The following UBE2K variants were observed in gnomAD, a reference collection of about 807,000 sequenced individuals.
The protein encoded by UBE2K is ubiquitin conjugating enzyme E2 K, also known as ubiquitin-conjugating enzyme E2 K.
A neutral mutation model predicts 30.0 loss-of-function variants in UBE2K; 6 were observed. The observed-to-expected ratio is 0.20, with a 90% CI of 0.11 to 0.39. The LOEUF (loss-of-function observed/expected upper bound fraction) is 0.39. Ranked by LOEUF, UBE2K falls within the 10% of genes least tolerant of loss-of-function variation. The pLI, the probability that UBE2K is intolerant of heterozygous loss-of-function variation, is 1.00. For synonymous variants in UBE2K, 86 were observed against 83.7 expected, an observed-to-expected ratio of 1.03 and a Z score of -0.15; for missense variants, 61 against 241.6, an observed-to-expected ratio of 0.25 and a Z score of 4.96.
intron 1 of UBE2K, among the ~76,000 whole-genome samples, chr4:39,734,105 AT>A (rs11417002): frequency 0.12 from 16,702 of 136,042 alleles, 864 homozygotes; most frequent in East Asian, 0.21. Context: ...GCCCTCTAGA[AT>A]TTTTTTTTTT....
chr4:39,723,362 CTTTT>C (rs529806724), intron 1 of UBE2K, among the ~76,000 whole-genome samples: 1 of 108,324 alleles, frequency 9.2e-6, no homozygotes, highest in Non-Finnish European at 1.7e-5. Flanking sequence ...GCTGTCTTCT[CTTTT>C]TTTTTTTTTT....
At chr4:39,771,431 G>C in intron 4 of UBE2K, 1 of 1,594,096 alleles carries the variant, frequency 6.3e-7, no homozygotes, top group Non-Finnish European at 8.6e-7. Context: ...TCACCCCAGA[G>C]GCCATTGTGG....
intron 1 of UBE2K, among the ~76,000 whole-genome samples, chr4:39,718,872 C>T (rs540936249): frequency 1.3e-5 from 2 of 152,270 alleles, no homozygotes; most frequent in Non-Finnish European, 2.9e-5. Context: ...CCGGTTCCCA[C>T]CCGTGCCTCT....
intron 1 of UBE2K, chr4:39,714,539 TA>T (rs1560343751): frequency 2.4e-4 from 12 of 50,052 alleles, no homozygotes; most frequent in African/African-American, 5.0e-4. Context: ...TATATATATA[TA>T]TATATATATA....
At chr4:39,768,537 T>G (rs1016600346) in intron 4 of UBE2K, among the ~76,000 whole-genome samples, 1 of 151,962 alleles carries the variant, frequency 6.6e-6, no homozygotes, top group African/African-American at 2.4e-5. Context: ...TTTTGACTCA[T>G]GTCTTAAAAG....
intron 3 of UBE2K, among the ~76,000 whole-genome samples, chr4:39,746,560 C>T (rs1390320100): frequency 1.3e-5 from 2 of 152,186 alleles, no homozygotes; most frequent in Non-Finnish European, 2.9e-5. Flanking sequence ...GCTTTTCTTT[C>T]CCTGAATAAA....
At chr4:39,723,576 G>A (rs1423580614) in intron 1 of UBE2K, among the ~76,000 whole-genome samples, 1 of 151,816 alleles carries the variant, frequency 6.6e-6, no homozygotes, top group African/African-American at 2.4e-5. Context: ...CACTGTGTTA[G>A]CCAGGGTGGT....
chr4:39,767,966 A>G (rs305124), intron 4 of UBE2K, among the ~76,000 whole-genome samples: 26,886 of 152,004 alleles, frequency 0.18, 4,098 homozygotes, highest in African/African-American at 0.42. Context: ...TAAGTGTTGT[A>G]TATTTCATTG....
intron 4 of UBE2K, among the ~76,000 whole-genome samples, chr4:39,771,944 G>T (rs1326634143): frequency 6.6e-6 from 1 of 152,124 alleles, no homozygotes; most frequent in Non-Finnish European, 1.5e-5. Context: ...AGGTTCGAGC[G>T]ATTCCTGCCT....
chr4:39,760,188 A>AAC (rs1711819519), intron 4 of UBE2K, among the ~76,000 whole-genome samples: 1 of 70,860 alleles, frequency 1.4e-5, no homozygotes, highest in Admixed American at 2.1e-4. Context: ...AAAAAAAAAA[A>AAC]AAAACAGAAA....
chr4:39,724,583 C>CAAAAAAAA (rs60854193), intron 1 of UBE2K, among the ~76,000 whole-genome samples: 2 of 52,148 alleles, frequency 3.8e-5, no homozygotes, highest in Admixed American at 3.0e-4. Context: ...CCCGTCTCTG[C>CAAAAAAAA]AAAAAAAAAA....
intron 5 of UBE2K, among the ~76,000 whole-genome samples, chr4:39,775,218 T>C (rs1009689304): frequency 2.0e-5 from 3 of 152,220 alleles, no homozygotes; most frequent in Non-Finnish European, 2.9e-5. Flanking sequence ...CTAGATTCTA[T>C]GATTAATGCT....
At chr4:39,752,466 A>T (rs1721319435) in intron 3 of UBE2K, among the ~76,000 whole-genome samples, 1 of 151,196 alleles carries the variant, frequency 6.6e-6, no homozygotes, top group Admixed American at 6.6e-5. Context: ...CCTCCCGAGT[A>T]GCTGGGACTA....
chr4:39,714,538 A>ATG (rs1330301395), intron 1 of UBE2K: 3 of 22,206 alleles, frequency 1.4e-4, no homozygotes, highest in African/African-American at 1.1e-3. Flanking sequence ...ATATATATAT[A>ATG]TATATATATA....
intron 3 of UBE2K, among the ~76,000 whole-genome samples, chr4:39,751,504 T>C (rs956325978): frequency 3.3e-5 from 5 of 151,616 alleles, no homozygotes; most frequent in African/African-American, 1.2e-4. Context: ...GAAACCCTGT[T>C]CTTGTGTCCA....
chr4:39,729,405 C>A (rs945216857), intron 1 of UBE2K, among the ~76,000 whole-genome samples: 1 of 152,156 alleles, frequency 6.6e-6, no homozygotes, highest in Non-Finnish European at 1.5e-5. Flanking sequence ...TTCCCCTCTC[C>A]CTCAAACCCT....
chr4:39,728,415 C>T (rs1184067490), intron 1 of UBE2K, among the ~76,000 whole-genome samples: 1 of 152,060 alleles, frequency 6.6e-6, no homozygotes, highest in Non-Finnish European at 1.5e-5. Context: ...TTTGAGGCAG[C>T]GGTGAGCTAT....
At chr4:39,707,027 C>T (rs1718404565) in intron 1 of UBE2K, among the ~76,000 whole-genome samples, 1 of 152,054 alleles carries the variant, frequency 6.6e-6, no homozygotes, top group Admixed American at 6.6e-5. Context: ...AGGCCTCAGC[C>T]TCCAGAATGG....
At chr4:39,700,282 G>A (rs1397614877) in intron 1 of UBE2K, among the ~76,000 whole-genome samples, 1 of 152,102 alleles carries the variant, frequency 6.6e-6, no homozygotes, top group Non-Finnish European at 1.5e-5. Context: ...CTCTTTATAC[G>A]TAAGGGATGT....
Sources: gnomAD v4.1 joint callset for allele counts (sites outside exome capture counted in the v4.1 genomes callset) on GRCh38, gnomAD v4.1.1 for gene constraint, MANE v1.5 for transcripts, NCBI Gene and HGNC (gene_info 2026-07-23, HGNC 2026-07-21) for gene names.